The following ALG8 variants were observed in gnomAD, a reference collection of about 807,000 sequenced individuals.
ALG8 encodes ALG8 alpha-1,3-glucosyltransferase, also known as dolichyl pyrophosphate Glc1Man9GlcNAc2 alpha-1,3-glucosyltransferase.
A neutral mutation model predicts 70.2 loss-of-function variants in ALG8; 48 were observed. That is an observed-to-expected ratio of 0.68 (90% CI 0.54 to 0.87). ALG8 has a LOEUF of 0.87. Ranked by LOEUF, ALG8 falls within the 40% of genes least tolerant of loss-of-function variation. The pLI is 0.00. For synonymous variants in ALG8, 234 were observed against 229.0 expected, an observed-to-expected ratio of 1.02 and a Z score of -0.20; for missense variants, 572 against 608.7, an observed-to-expected ratio of 0.94 and a Z score of 0.64.
At chr11:78,116,711 C>T (rs1234233108) in intron 5 of ALG8, among the ~76,000 whole-genome samples, 1 of 152,012 alleles carries the variant, frequency 6.6e-6, no homozygotes, top group Non-Finnish European at 1.5e-5. Flanking sequence ...CACAGCATGA[C>T]GTTGTCTTCA....
intron 1 of ALG8, among the ~76,000 whole-genome samples, chr11:78,131,736 G>C (rs916681582): frequency 6.6e-6 from 1 of 152,060 alleles, no homozygotes; most frequent in African/African-American, 2.4e-5. Context: ...AAAGTGCTGG[G>C]ATTACAGGTG....
chr11:78,107,152 G>A (rs1279391268), intron 9 of ALG8, among the ~76,000 whole-genome samples: 2 of 149,270 alleles, frequency 1.3e-5, no homozygotes, highest in African/African-American at 4.9e-5. Context: ...GGCATTTGAT[G>A]TGTATATATA....
At chr11:78,116,441 T>A (rs1288038257) in intron 5 of ALG8, among the ~76,000 whole-genome samples, 1 of 151,974 alleles carries the variant, frequency 6.6e-6, no homozygotes, top group East Asian at 1.9e-4. Context: ...AGAATTTGGC[T>A]GGGTGGGGTG....
chr11:78,113,860 T>TTAAAA (rs1565350164), intron 7 of ALG8, 26 bp downstream of exon 7: 1 of 958,694 alleles, frequency 1.0e-6, no homozygotes, highest in Non-Finnish European at 1.4e-6. Flanking sequence ...ATGTATTAAT[T>TTAAAA]GAAAAAAAAA....
chr11:78,107,367 CCT>C (rs1860089561), intron 9 of ALG8, among the ~76,000 whole-genome samples: 1 of 148,384 alleles, frequency 6.7e-6, no homozygotes, highest in East Asian at 2.0e-4. Flanking sequence ...ATTACAGGTG[CCT>C]GCCACCACGC....
At chr11:78,138,477 A>G (rs1861644830) in intron 1 of ALG8, among the ~76,000 whole-genome samples, 2 of 152,226 alleles carry the variant, frequency 1.3e-5, no homozygotes, top group African/African-American at 2.4e-5. Context: ...ATCTACATAT[A>G]CATTCCACTT....
chr11:78,136,096 G>C (rs1322960355), intron 1 of ALG8, among the ~76,000 whole-genome samples: 3 of 152,054 alleles, frequency 2.0e-5, no homozygotes, highest in Admixed American at 2.0e-4. Context: ...TTTGAGCCCA[G>C]GAAGTAGAGG....
intron 12 of ALG8, among the ~76,000 whole-genome samples, chr11:78,102,408 G>A (rs1468751123): frequency 1.3e-5 from 2 of 152,132 alleles, no homozygotes; most frequent in Non-Finnish European, 2.9e-5. Flanking sequence ...TTCTTTGGCT[G>A]AATAATCCAC....
intron 5 of ALG8, among the ~76,000 whole-genome samples, chr11:78,118,332 G>A (rs893769718): frequency 6.6e-6 from 1 of 151,856 alleles, no homozygotes; most frequent in African/African-American, 2.4e-5. Context: ...ATGTAATTTC[G>A]GGGCTGGGCA....
chr11:78,116,783 A>C (rs756199589), intron 5 of ALG8, among the ~76,000 whole-genome samples: 1 of 152,162 alleles, frequency 6.6e-6, no homozygotes, highest in Non-Finnish European at 1.5e-5. Context: ...TAAATGAGAT[A>C]ACAGTCCTGA....
At position 78,127,376 on chromosome 11, in the gene ALG8, T is replaced by C; in HGVS notation, c.156A>G (p.Ile52Met). 6.2e-7 allele frequency: 1 copy of C among 1,613,676 alleles called. No homozygotes were observed. Among genetic ancestry groups the C allele is most frequent in the Non-Finnish European group, 8.5e-7 (1 of 1,179,692 alleles). Reference protein sequence around the residue: ...NWLAITHSLPISQWYYEATSE... With the variant: ...NWLAITHSLPMSQWYYEATSE... ...AACTTACCTCATAATACCACTGTGA[T>C]ATTGGCAAACTGTGAGTGATAGCAA... Residue 52 changes from isoleucine to methionine, a missense_variant, in exon 2 of 13, where the codon ATA (isoleucine) becomes ATG (methionine). Physicochemically the swap from Ile to Met is conservative, Grantham distance 10. Transcript: ENST00000299626.
At chr11:78,125,254 G>A (rs984908162) in intron 2 of ALG8, among the ~76,000 whole-genome samples, 3 of 151,540 alleles carry the variant, frequency 2.0e-5, no homozygotes, top group East Asian at 2.0e-4. Flanking sequence ...GGACGGTCTC[G>A]ATCTCCTGAC....
In ALG8 at chr11:78,135,864, G is replaced by GAA. The variant is rs57209723; in HGVS notation, c.95+3628_95+3629dup. Among the ~76,000 whole-genome samples, 335 of 140,800 alleles carry GAA rather than the reference G, an allele frequency of 2.4e-3. 4 individuals carry two copies. Among genetic ancestry groups the GAA allele is most frequent in the African/African-American group, 7.4e-3 (279 of 37,504 alleles). The allele number at this position is 140,800 out of a possible 152,430, so 92.4% of individuals were successfully genotyped here. On this transcript the variant is annotated intron_variant, in intron 1 of 12. Coordinates refer to ENST00000299626, the MANE Select transcript of ALG8 (RefSeq NM_024079.5). ...CTCCGTCTCAAACATAAATAAATAA[G>GAA]AAAAAAAAAAAAGAAAAATAATGGG...
chr11:78,104,508 C>G, intron 10 of ALG8, 55 bp from the exon 11 acceptor site: 1 of 1,444,110 alleles, frequency 6.9e-7, no homozygotes, highest in Non-Finnish European at 9.5e-7. Flanking sequence ...TTGCAAATAG[C>G]TTAAATAAAC....
At position 78,104,046 on chromosome 11, in the gene ALG8, G is replaced by A. The variant is rs1859913928; in HGVS notation, c.1283C>T (p.Pro428Leu). ...TAGTAACATGAGTAAGATTTTAATG[G>A]GAAGTTCTGTTAAAAGAATAGAAAA... ...FPLLFTAPEL[P>L]IKILLMLLFT... The change falls in exon 12 of 13, where the codon CCC becomes CTC. Residue 428 changes from proline to leucine, a missense_variant. By Grantham distance (98) the Pro-to-Leu change is moderately conservative. Transcript: ENST00000299626. 6.7e-7 allele frequency: 1 copy of A among 1,498,608 alleles called. No individual in the cohort carries two copies. The highest frequency in any genetic ancestry group is 9.3e-7 in the Non-Finnish European group (1 of 1,078,870). The allele number at this position is 1,498,608 out of a possible 1,614,324, so 92.8% of individuals were successfully genotyped here.
intron 3 of ALG8, 126 bp downstream of exon 3, chr11:78,123,895 T>G: frequency 9.3e-7 from 1 of 1,071,412 alleles, no homozygotes. Flanking sequence ...AATACAATTT[T>G]TCATTGTTTT....
rs1861712502 is a variant in ALG8 at position 78,139,616 on chromosome 11, A to G, written c.-28T>C. ...CTGCGGCACCGCACGCTTCCCACCAACTTGATCCACATCCGGGATCCCGCG... is the reference window on the plus strand; with the variant it reads ...CTGCGGCACCGCACGCTTCCCACCAGCTTGATCCACATCCGGGATCCCGCG... On this transcript the variant is annotated 5_prime_UTR_variant, in exon 1 of 13. Transcript: ENST00000299626. 1 of 1,547,320 alleles carries G rather than the reference A, an allele frequency of 6.5e-7. No homozygotes were observed. Among genetic ancestry groups the G allele is most frequent in the Non-Finnish European group, 8.7e-7 (1 of 1,143,490 alleles).
intron 1 of ALG8, among the ~76,000 whole-genome samples, chr11:78,135,663 T>C (rs767386500): frequency 4.0e-5 from 6 of 151,538 alleles, no homozygotes; most frequent in Non-Finnish European, 8.8e-5. Flanking sequence ...GCCTGGCCAA[T>C]GTGGCAAAAC....
At position 78,139,602 on chromosome 11, in the gene ALG8, C is replaced by T; in HGVS notation, c.-14G>A. 3.2e-6 allele frequency: 5 copies of T among 1,551,830 alleles called. No homozygotes were observed. Among genetic ancestry groups the T allele is most frequent in the Non-Finnish European group, 4.4e-6 (5 of 1,146,958 alleles). On this transcript the variant is annotated 5_prime_UTR_variant, in exon 1 of 13. Coordinates refer to ENST00000299626, the MANE Select transcript of ALG8 (RefSeq NM_024079.5). ...GAGCGCCGCCATTGCTGCGGCACCG[C>T]ACGCTTCCCACCAACTTGATCCACA...
Sources: allele counts gnomAD v4.1 joint callset (sites outside exome capture counted in the v4.1 genomes callset), GRCh38; gene constraint gnomAD v4.1.1; transcripts MANE v1.5; gene names NCBI Gene and HGNC (gene_info 2026-07-23, HGNC 2026-07-21).